The following SAXO1 variants were observed in gnomAD, a reference collection of about 807,000 sequenced individuals.
The protein encoded by SAXO1 is 4930500O09Rik.
A neutral mutation model predicts 17.5 loss-of-function variants in SAXO1; 21 were observed. That is an observed-to-expected ratio of 1.20 (90% CI 0.85 to 1.72). The LOEUF (loss-of-function observed/expected upper bound fraction) is 1.72, where lower values mean the gene tolerates loss of function less well. SAXO1 is among the 40% of genes most tolerant of loss of function. The pLI is 0.00. For synonymous variants in SAXO1, 274 were observed against 216.5 expected (o/e 1.27, Z -2.33); for missense variants, 843 against 596.0 (o/e 1.41, Z -4.32).
intron 1 of SAXO1, among the ~76,000 whole-genome samples, chr9:18,993,927 G>T (rs1446048942): frequency 6.6e-6 from 1 of 152,182 alleles, no homozygotes; most frequent in African/African-American, 2.4e-5. Flanking sequence ...GGTCTTGGTA[G>T]CACATAACTC....
At chr9:19,036,723 T>C (rs1835950218), upstream of SAXO1, among the ~76,000 whole-genome samples, 1 of 152,152 alleles carries the variant, frequency 6.6e-6, no homozygotes, top group African/African-American at 2.4e-5. Flanking sequence ...AGCAGAAGTT[T>C]GCTGCAGGGT....
intron 1 of SAXO1, among the ~76,000 whole-genome samples, chr9:19,044,583 G>A (rs546095393): frequency 8.5e-5 from 13 of 152,290 alleles, no homozygotes; most frequent in Non-Finnish European, 7.3e-5. Flanking sequence ...AGCTGAATCC[G>A]GCGGGCGCGG....
intron 1 of SAXO1, among the ~76,000 whole-genome samples, chr9:19,014,460 CAAAA>C (rs375593725): frequency 4.5e-5 from 4 of 88,552 alleles, no homozygotes; most frequent in East Asian, 3.1e-4. Flanking sequence ...AACTGTGTCT[CAAAA>C]AAAAAAAAAA....
intron 1 of SAXO1, among the ~76,000 whole-genome samples, chr9:18,962,356 C>T (rs956959024): frequency 2.6e-5 from 4 of 152,262 alleles, no homozygotes; most frequent in African/African-American, 9.6e-5. Context: ...GCATGAGCCA[C>T]CGCACCCGGC....
intron 1 of SAXO1, among the ~76,000 whole-genome samples, chr9:19,022,660 G>A (rs1445606098): frequency 6.6e-6 from 1 of 152,142 alleles, no homozygotes; most frequent in Non-Finnish European, 1.5e-5. Context: ...GACCAGCACT[G>A]GGAGAAACTT....
intron 1 of SAXO1, chr9:19,027,106 A>G: frequency 1.1e-6 from 1 of 935,578 alleles, no homozygotes; most frequent in Non-Finnish European, 1.8e-6. Context: ...ACCCTGGTGT[A>G]CCTTGTCTCC....
chr9:18,989,444 G>C (rs1833718623), intron 1 of SAXO1, among the ~76,000 whole-genome samples: 1 of 152,052 alleles, frequency 6.6e-6, no homozygotes, highest in Non-Finnish European at 1.5e-5. Context: ...AATAGCCATA[G>C]TTACTAATGC....
chr9:19,041,328 C>T (rs545656794), intron 1 of SAXO1, among the ~76,000 whole-genome samples: 1 of 152,236 alleles, frequency 6.6e-6, no homozygotes, highest in South Asian at 2.1e-4. Context: ...ATTCCATGTA[C>T]ATGGATTGGA....
intron 1 of SAXO1, among the ~76,000 whole-genome samples, chr9:18,962,891 G>A (rs1563946845): frequency 6.6e-6 from 1 of 152,150 alleles, no homozygotes; most frequent in Non-Finnish European, 1.5e-5. Flanking sequence ...CGTCCTGAAT[G>A]GTATTAGCTA....
rs17810415 is a variant in SAXO1, at chr9:19,032,909, A to G, written c.-1T>C. On this transcript the variant is annotated 5_prime_UTR_variant, in exon 1 of 4. Transcript: ENST00000380534. The stretch of plus-strand genomic sequence containing the variant: ...GTTCACAGATGCACTTCGTCTTCAT[A>G]GGGGCGATCCTGAGGCCCTGACGTC... The G allele has an allele frequency of 0.19, 305,923 of 1,608,390 alleles. 29,887 individuals carry two copies. The highest frequency in any genetic ancestry group is 0.23 in the African/African-American group (16,954 of 74,936).
chr9:18,971,947 A>T (rs200094951), intron 1 of SAXO1, among the ~76,000 whole-genome samples: 156 of 126,332 alleles, frequency 1.2e-3, no homozygotes, highest in African/African-American at 4.5e-3. Flanking sequence ...TAATAATAAC[A>T]AAAGAGCCAG....
At chr9:18,993,758 T>A (rs150816428) in intron 1 of SAXO1, among the ~76,000 whole-genome samples, 8 of 151,798 alleles carry the variant, frequency 5.3e-5, no homozygotes, top group Admixed American at 1.3e-4. Flanking sequence ...GGCTGGGGGG[T>A]TCTCATGTAA....
Position 19,016,127 on chromosome 9 carries a change from T to G in SAXO1, c.38+16744A>C, listed in dbSNP as rs79600183. Among the ~76,000 whole-genome samples, 6 of 152,254 alleles carry G rather than the reference T, an allele frequency of 3.9e-5. No individual in the cohort carries two copies. In the East Asian group the frequency reaches 1.2e-3, roughly 29 times the overall value. On this transcript the variant is annotated intron_variant, in intron 1 of 3. Coordinates refer to ENST00000380534, the MANE Select transcript of SAXO1 (RefSeq NM_153707.4). ...AGATCCATTCCTGTGATAAAGCCAT[T>G]AATGCAAGGCTATAAAAGCATAACC... is the stretch of plus-strand genomic sequence containing the variant.
chr9:18,971,351 C>T (rs1832934485), intron 1 of SAXO1, among the ~76,000 whole-genome samples: 1 of 152,276 alleles, frequency 6.6e-6, no homozygotes, highest in African/African-American at 2.4e-5. Flanking sequence ...AAAATCTCAA[C>T]TGTTGTATCT....
At chr9:19,045,829 C>T (rs1490648308) in intron 1 of SAXO1, among the ~76,000 whole-genome samples, 3 of 152,162 alleles carry the variant, frequency 2.0e-5, no homozygotes, top group East Asian at 1.9e-4. Flanking sequence ...CATGAATATG[C>T]TCTATGATTT....
chr9:18,939,344 G>A (rs1831449207), intron 3 of SAXO1, among the ~76,000 whole-genome samples: 1 of 152,232 alleles, frequency 6.6e-6, no homozygotes, highest in South Asian at 2.1e-4. Flanking sequence ...ATGGACTCCT[G>A]TGTGGTGCCT....
chr9:18,986,439 G>C (rs1264411564), intron 1 of SAXO1, among the ~76,000 whole-genome samples: 1 of 152,110 alleles, frequency 6.6e-6, no homozygotes, highest in East Asian at 1.9e-4. Context: ...GTAGTAAATG[G>C]TCAAAGAACA....
chr9:18,931,941 T>C (rs142623643), intron 3 of SAXO1, among the ~76,000 whole-genome samples: 152 of 152,334 alleles, frequency 1.0e-3, no homozygotes, highest in African/African-American at 3.6e-3. Flanking sequence ...TACAAATTTT[T>C]TTCCAAGTCT....
intron 1 of SAXO1, among the ~76,000 whole-genome samples, chr9:19,021,568 T>G (rs1281246341): frequency 6.6e-6 from 1 of 152,166 alleles, no homozygotes; most frequent in Non-Finnish European, 1.5e-5. Context: ...AATCCCACTG[T>G]CTGAGGATCA....
Sources: allele counts gnomAD v4.1 joint callset (sites outside exome capture counted in the v4.1 genomes callset), GRCh38; gene constraint gnomAD v4.1.1; transcripts MANE v1.5; gene names NCBI Gene and HGNC (gene_info 2026-07-23, HGNC 2026-07-21).